Variants in TSNARE1 observed in about 807,000 individuals in gnomAD.
The protein encoded by TSNARE1 is t-SNARE domain-containing protein 1.
A neutral mutation model predicts 62.0 loss-of-function variants in TSNARE1; 49 were observed. The ratio of observed to expected loss-of-function variants is 0.79; its 90% CI spans 0.63 to 1.00. The LOEUF is 1.00. TSNARE1 is among the 50% of genes least tolerant of loss of function. The probability of loss-of-function intolerance (pLI) is 0.00; values close to 1 mark genes in which losing one functional copy is unlikely to be tolerated. For synonymous variants in TSNARE1, 328 were observed against 294.4 expected (o/e 1.11, Z -1.17); for missense variants, 755 against 700.1 (o/e 1.08, Z -0.88).
upstream of TSNARE1, chr8:142,404,747 G>A (rs1334028402): frequency 6.6e-6 from 1 of 152,282 alleles, no homozygotes; most frequent in Non-Finnish European, 1.5e-5. Context: ...GGTTCGCCAG[G>A]ACCAATGCCT....
At chr8:142,270,330 G>A (rs538352804) in intron 12 of TSNARE1, 9 of 985,430 alleles carry the variant, frequency 9.1e-6, no homozygotes, top group Admixed American at 1.2e-4. Context: ...TGCCACGCCC[G>A]AGAAGCAGGC....
At chr8:142,331,912 G>T in intron 4 of TSNARE1, 81 bp from the exon 5 acceptor site, 1 of 1,374,306 alleles carries the variant, frequency 7.3e-7, no homozygotes, top group Non-Finnish European at 1.0e-6. Flanking sequence ...GCTCTGGGCA[G>T]CCCCCAGGGG....
chr8:142,243,222 T>C (rs1278779090), intron 12 of TSNARE1, among the ~76,000 whole-genome samples: 2 of 152,124 alleles, frequency 1.3e-5, no homozygotes, highest in African/African-American at 4.8e-5. Context: ...ACTAGAACTA[T>C]CATATGTTCC....
intron 1 of TSNARE1, among the ~76,000 whole-genome samples, chr8:142,368,963 GC>G (rs1202123982): frequency 6.6e-6 from 1 of 152,204 alleles, no homozygotes; most frequent in Admixed American, 6.5e-5. Flanking sequence ...CCTCTAAAGA[GC>G]AGCAAAGGAC....
intron 13 of TSNARE1, among the ~76,000 whole-genome samples, chr8:142,212,836 CCT>C (rs1815629265): frequency 7.4e-6 from 1 of 134,796 alleles, no homozygotes; most frequent in African/African-American, 2.9e-5. Context: ...TCTCCTGTCC[CCT>C]CTCCTTCTCT....
intron 13 of TSNARE1, among the ~76,000 whole-genome samples, chr8:142,218,188 A>G (rs377253999): frequency 4.0e-4 from 61 of 151,008 alleles, no homozygotes; most frequent in African/African-American, 1.4e-3. Context: ...GACCAGGATC[A>G]GGACTCAGAG....
At chr8:142,335,102 T>A (rs1199773801) in intron 4 of TSNARE1, among the ~76,000 whole-genome samples, 1 of 152,270 alleles carries the variant, frequency 6.6e-6, no homozygotes, top group Non-Finnish European at 1.5e-5. Flanking sequence ...GTGTTATAAA[T>A]GACGTGTGGT....
intron 4 of TSNARE1, among the ~76,000 whole-genome samples, chr8:142,342,523 G>A (rs1374523587): frequency 2.0e-5 from 3 of 152,128 alleles, no homozygotes; most frequent in Admixed American, 6.5e-5. Context: ...GGCATGTCCA[G>A]GCAGCTTCCA....
At chr8:142,235,885 T>A (rs1817387475) in intron 12 of TSNARE1, among the ~76,000 whole-genome samples, 1 of 151,720 alleles carries the variant, frequency 6.6e-6, no homozygotes, top group African/African-American at 2.4e-5. Flanking sequence ...GGGTGGGGGA[T>A]GGACAAGTTG....
At chr8:142,303,606 T>C (rs1306564627) in intron 9 of TSNARE1, among the ~76,000 whole-genome samples, 1 of 152,096 alleles carries the variant, frequency 6.6e-6, no homozygotes, top group East Asian at 1.9e-4. Flanking sequence ...GATGGACAGG[T>C]GACAACCAAA....
chr8:142,311,290 GTT>G (rs58755110), intron 9 of TSNARE1, among the ~76,000 whole-genome samples: 124 of 57,336 alleles, frequency 2.2e-3, no homozygotes, highest in African/African-American at 8.3e-3. Context: ...AGCCTCTCTA[GTT>G]TTTTTTTTTT....
At chr8:142,289,372 C>T (rs1300607111) in intron 10 of TSNARE1, among the ~76,000 whole-genome samples, 3 of 152,290 alleles carry the variant, frequency 2.0e-5, no homozygotes, top group East Asian at 1.9e-4. Flanking sequence ...AGGGAAAGGA[C>T]GCTGAACTCA....
intron 1 of TSNARE1, among the ~76,000 whole-genome samples, chr8:142,366,757 T>G (rs958253771): frequency 6.6e-6 from 1 of 152,202 alleles, no homozygotes; most frequent in Non-Finnish European, 1.5e-5. Context: ...TTCAACACTG[T>G]TATGGTGGTG....
chr8:142,298,685 TTAATCAA>T (rs1406226413), intron 10 of TSNARE1, among the ~76,000 whole-genome samples: 1 of 152,174 alleles, frequency 6.6e-6, no homozygotes, highest in Non-Finnish European at 1.5e-5. Flanking sequence ...CTCCTTGGAC[TTAATCAA>T]TAAGCAGCGC....
At chr8:142,256,246 AT>A (rs1818539557) in intron 12 of TSNARE1, among the ~76,000 whole-genome samples, 2 of 137,126 alleles carry the variant, frequency 1.5e-5, no homozygotes, top group African/African-American at 2.8e-5. Context: ...CACCATCACC[AT>A]CACCATCATC....
chr8:142,342,908 A>C (rs1193962466), intron 4 of TSNARE1, among the ~76,000 whole-genome samples: 1 of 149,354 alleles, frequency 6.7e-6, no homozygotes, highest in African/African-American at 2.5e-5. Context: ...CCACATCAGG[A>C]GCTCAGACGC....
chr8:142,405,440 T>C (rs1838571322), upstream of TSNARE1: 1 of 152,006 alleles, frequency 6.6e-6, no homozygotes, highest in Non-Finnish European at 1.5e-5. Context: ...TTCTGTTACC[T>C]AAGGGGGTGG....
chr8:142,357,125 G>A (rs1318047383), intron 1 of TSNARE1, among the ~76,000 whole-genome samples: 1 of 152,236 alleles, frequency 6.6e-6, no homozygotes, highest in African/African-American at 2.4e-5. Context: ...CGAGGAAGGA[G>A]AGTTCCAGAA....
intron 1 of TSNARE1, among the ~76,000 whole-genome samples, chr8:142,379,499 C>A (rs146979235): frequency 2.6e-5 from 4 of 152,388 alleles, no homozygotes; most frequent in Non-Finnish European, 5.9e-5. Context: ...GCCAACACCA[C>A]TCCTGCCAGG....
Sources: gnomAD v4.1 joint callset for allele counts (sites outside exome capture counted in the v4.1 genomes callset) on GRCh38, gnomAD v4.1.1 for gene constraint, MANE v1.5 for transcripts, NCBI Gene and HGNC (gene_info 2026-07-23, HGNC 2026-07-21) for gene names.